Variants in RNF216 observed in about 807,000 individuals in gnomAD.
RNF216 encodes E3 ubiquitin-protein ligase RNF216.
Under a neutral mutation model 110.8 loss-of-function variants are expected in RNF216, and 72 were observed. That is an observed-to-expected ratio of 0.65 (90% confidence interval 0.54 to 0.79). The LOEUF is 0.79. Among genes scored for constraint, RNF216 ranks in the 30% least tolerant of loss-of-function variants. The pLI is 0.00. For synonymous variants in RNF216, 495 were observed against 407.5 expected, an observed-to-expected ratio of 1.21 and a Z score of -2.59; for missense variants, 1,342 against 1,141.2, an observed-to-expected ratio of 1.18 and a Z score of -2.54.
chr7:5,732,140 G>T (rs1173436975), intron 5 of RNF216, among the ~76,000 whole-genome samples: 1 of 152,206 alleles, frequency 6.6e-6, no homozygotes, highest in South Asian at 2.1e-4. Flanking sequence ...AGGGCGACAA[G>T]AATTCAGAGT....
At chr7:5,771,317 C>A (rs1048589802) in intron 1 of RNF216, among the ~76,000 whole-genome samples, 1 of 152,028 alleles carries the variant, frequency 6.6e-6, no homozygotes, top group Non-Finnish European at 1.5e-5. Flanking sequence ...GAAGATAACA[C>A]AAAATCTCCA....
intron 1 of RNF216, among the ~76,000 whole-genome samples, chr7:5,763,832 C>T (rs899395929): frequency 6.6e-6 from 1 of 152,116 alleles, no homozygotes; most frequent in Non-Finnish European, 1.5e-5. Context: ...CTTGGCTTCC[C>T]AAAGTGCTGC....
At chr7:5,664,722 T>C (rs1384994292) in intron 13 of RNF216, among the ~76,000 whole-genome samples, 1 of 152,230 alleles carries the variant, frequency 6.6e-6, no homozygotes, top group Non-Finnish European at 1.5e-5. Flanking sequence ...CTGGCCAGCA[T>C]TCTCCTCTGC....
chr7:5,763,878 C>T (rs2128673269), intron 1 of RNF216, among the ~76,000 whole-genome samples: 1 of 152,204 alleles, frequency 6.6e-6, no homozygotes, highest in Non-Finnish European at 1.5e-5. Flanking sequence ...CAGCCTGTAT[C>T]AATAAAGATT....
intron 13 of RNF216, among the ~76,000 whole-genome samples, chr7:5,709,514 A>G (rs1792525093): frequency 6.6e-6 from 1 of 152,166 alleles, no homozygotes; most frequent in Non-Finnish European, 1.5e-5. Flanking sequence ...CCCACACCAC[A>G]TGCCTTTACG....
intron 13 of RNF216, among the ~76,000 whole-genome samples, chr7:5,693,459 G>C (rs1791455175): frequency 6.6e-6 from 1 of 152,190 alleles, no homozygotes; most frequent in African/African-American, 2.4e-5. Flanking sequence ...GATGGGTATT[G>C]CATTGGATTT....
At chr7:5,723,975 T>C (rs1793602185) in intron 8 of RNF216, among the ~76,000 whole-genome samples, 1 of 152,184 alleles carries the variant, frequency 6.6e-6, no homozygotes, top group Non-Finnish European at 1.5e-5. Context: ...GATTATCTGA[T>C]AAGTAAAATT....
At chr7:5,632,197 TG>T (rs1224331848) in intron 15 of RNF216, among the ~76,000 whole-genome samples, 1 of 152,184 alleles carries the variant, frequency 6.6e-6, no homozygotes, top group Non-Finnish European at 1.5e-5. Context: ...CCCTGGCCAG[TG>T]GGGGCAGGAG....
intron 1 of RNF216, among the ~76,000 whole-genome samples, chr7:5,779,565 C>G (rs1796961343): frequency 1.3e-5 from 2 of 150,684 alleles, no homozygotes; most frequent in Admixed American, 6.7e-5. Flanking sequence ...TCTGGCAGAG[C>G]ACGGTGGCTA....
chr7:5,724,666 G>A (rs532712616), intron 8 of RNF216, among the ~76,000 whole-genome samples: 95 of 152,250 alleles, frequency 6.2e-4, no homozygotes, highest in Admixed American at 1.1e-3. Context: ...CAGCTTTATA[G>A]TTACCTGAGT....
At chr7:5,717,120 G>T (rs564224643) in intron 9 of RNF216, among the ~76,000 whole-genome samples, 4 of 152,140 alleles carry the variant, frequency 2.6e-5, no homozygotes, top group African/African-American at 9.7e-5. Context: ...TTGGAAGGCC[G>T]AGGTGGGCAG....
At chr7:5,626,812 TTG>T (rs1786736546) in intron 15 of RNF216, among the ~76,000 whole-genome samples, 1 of 152,190 alleles carries the variant, frequency 6.6e-6, no homozygotes, top group Non-Finnish European at 1.5e-5. Flanking sequence ...ATGGGCTGCT[TTG>T]TTAAGGACTG....
intron 10 of RNF216, 124 bp from the exon 11 acceptor site, chr7:5,715,314 G>T: frequency 2.3e-6 from 2 of 853,376 alleles, no homozygotes; most frequent in South Asian, 1.7e-5. Flanking sequence ...CCCATTTTAG[G>T]GGCCATAAAA....
At chr7:5,715,307 AT>A in intron 10 of RNF216, 117 bp from the exon 11 acceptor site, 3 of 899,662 alleles carry the variant, frequency 3.3e-6, no homozygotes, top group Non-Finnish European at 5.2e-6. Context: ...AAAGCAACCC[AT>A]TTTAGGGGCC....
chr7:5,750,129 C>T (rs1240246356), intron 3 of RNF216, among the ~76,000 whole-genome samples: 1 of 152,326 alleles, frequency 6.6e-6, no homozygotes, highest in South Asian at 2.1e-4. Flanking sequence ...AAGGACACAA[C>T]TGGAAACTGG....
chr7:5,777,629 C>G (rs1056116625), intron 1 of RNF216: 1 of 152,034 alleles, frequency 6.6e-6, no homozygotes, highest in Non-Finnish European at 1.5e-5. Flanking sequence ...GATGGTGATG[C>G]TATTAAGGAA....
chr7:5,625,304 C>T (rs987596545), intron 15 of RNF216, among the ~76,000 whole-genome samples: 11 of 152,216 alleles, frequency 7.2e-5, no homozygotes, highest in East Asian at 3.8e-4. Flanking sequence ...TCCCTGATAT[C>T]GTGAGAGGAT....
intron 13 of RNF216, among the ~76,000 whole-genome samples, chr7:5,669,988 G>A (rs1013663371): frequency 2.8e-4 from 43 of 151,524 alleles, no homozygotes; most frequent in African/African-American, 9.5e-4. Context: ...GTGCAGTGGC[G>A]CGATCTTGGC....
intron 13 of RNF216, among the ~76,000 whole-genome samples, chr7:5,689,066 C>T (rs1271696891): frequency 1.3e-5 from 2 of 151,992 alleles, no homozygotes; most frequent in Non-Finnish European, 2.9e-5. Context: ...AACAGGCTGC[C>T]GATTCTGTGA....
Sources: allele counts gnomAD v4.1 joint callset (sites outside exome capture counted in the v4.1 genomes callset), GRCh38; gene constraint gnomAD v4.1.1; transcripts MANE v1.5; gene names NCBI Gene and HGNC (gene_info 2026-07-23, HGNC 2026-07-21).